Variants in TDRD7 observed in about 807,000 individuals in gnomAD.
TDRD7 encodes the protein tudor domain-containing protein 7.
In TDRD7, 47 loss-of-function variants were observed where a neutral mutation model predicts 109.8. The observed-to-expected ratio is 0.43, with a 90% CI of 0.34 to 0.55. The LOEUF (loss-of-function observed/expected upper bound fraction) is 0.55, where lower values mean the gene tolerates loss of function less well. Among genes scored for constraint, TDRD7 ranks in the 20% least tolerant of loss-of-function variants. TDRD7 has a pLI of 0.03. For missense variants in TDRD7, 1,164 were observed against 1,319.2 expected, an observed-to-expected ratio of 0.88 and a Z score of 1.82; for synonymous variants, 424 against 457.3, an observed-to-expected ratio of 0.93 and a Z score of 0.93.
At chr9:97,452,643 A>G in intron 6 of TDRD7, among the ~76,000 whole-genome samples, 1 of 152,242 alleles carries the variant, frequency 6.6e-6, no homozygotes, top group East Asian at 1.9e-4. Context: ...TACTTTGGGT[A>G]AATTCAGACT....
intron 6 of TDRD7, among the ~76,000 whole-genome samples, chr9:97,453,440 T>A (rs534656420): frequency 6.6e-6 from 1 of 151,998 alleles, no homozygotes; most frequent in East Asian, 1.9e-4. Context: ...AAAACCATAA[T>A]AAGTGTGTGA....
intron 15 of TDRD7, among the ~76,000 whole-genome samples, chr9:97,485,679 A>C (rs1283493050): frequency 2.0e-5 from 3 of 152,228 alleles, no homozygotes; most frequent in African/African-American, 7.2e-5. Context: ...AATGATGATA[A>C]CTATCATTTG....
intron 6 of TDRD7, among the ~76,000 whole-genome samples, chr9:97,454,828 G>C (rs1355930405): frequency 6.6e-6 from 1 of 151,712 alleles, no homozygotes. Context: ...AAATAACTAA[G>C]ATCAGAGAAG....
At chr9:97,492,286 C>G (rs571668355) in intron 16 of TDRD7, among the ~76,000 whole-genome samples, 2 of 152,322 alleles carry the variant, frequency 1.3e-5, no homozygotes, top group South Asian at 4.1e-4. Context: ...GAACTCTCCC[C>G]ATGCTAGGAG....
intron 7 of TDRD7, among the ~76,000 whole-genome samples, chr9:97,461,716 G>A (rs935847040): frequency 1.3e-5 from 2 of 152,218 alleles, no homozygotes; most frequent in African/African-American, 4.8e-5. Context: ...CTGAACCCCT[G>A]GAGGTACCAG....
chr9:97,450,806 AGAG>A (rs1054071000), intron 6 of TDRD7, among the ~76,000 whole-genome samples: 2 of 152,138 alleles, frequency 1.3e-5, no homozygotes, highest in Non-Finnish European at 2.9e-5. Context: ...GAAAATTTAG[AGAG>A]TTTGAGCTGG....
chr9:97,438,993 A>C (rs1170919162), intron 4 of TDRD7, among the ~76,000 whole-genome samples: 2 of 152,170 alleles, frequency 1.3e-5, no homozygotes, highest in Non-Finnish European at 2.9e-5. Context: ...GAATTCTGAC[A>C]TCCAAGTTTT....
At position 97,430,897 on chromosome 9, in the gene TDRD7, A is replaced by G. The variant is rs757515499; in HGVS notation, c.208-36A>G. 6 of 1,613,270 alleles carry G rather than the reference A, an allele frequency of 3.7e-6. No individual in the cohort carries two copies. The East Asian group carries it at 1.3e-4, about 36-fold the overall frequency. On this transcript the variant is annotated intron_variant, in intron 2 of 16. Coordinates refer to ENST00000355295, the MANE Select transcript of TDRD7 (RefSeq NM_014290.3). ...GCCTCTAGGCAACACGGAATCTGAG[A>G]AATGTTTCTCCTCTTACCCTGCCTC...
At chr9:97,456,913 T>C (rs1248398698) in intron 6 of TDRD7, among the ~76,000 whole-genome samples, 2 of 152,110 alleles carry the variant, frequency 1.3e-5, no homozygotes, top group Non-Finnish European at 2.9e-5. Flanking sequence ...TTTTGCAAAC[T>C]ACCCATCTGA....
In TDRD7 at chr9:97,460,309, G is replaced by A. The variant is rs761704668; in HGVS notation, c.987G>A (p.Pro329=). The A allele has an allele frequency of 8.6e-5, 139 of 1,614,098 alleles. No individual in the cohort carries two copies. The highest frequency in any genetic ancestry group is 1.1e-4 in the Non-Finnish European group (126 of 1,180,038). Residue 329 remains proline (P), a synonymous_variant, in exon 7 of 17, where the codon CCG becomes CCA. Coordinates refer to ENST00000355295, the MANE Select transcript of TDRD7 (RefSeq NM_014290.3). ...TACCTGGTCCCAAACAAACACCACC[G>A]TTGAAAGGGTGTCCAACAGTTATGG... ...SPLPGPKQTP[P]LKGCPTVMAG... is the part of the protein sequence containing the mutation.
At chr9:97,478,119 G>C (rs1829055581) in intron 12 of TDRD7, among the ~76,000 whole-genome samples, 1 of 152,040 alleles carries the variant, frequency 6.6e-6, no homozygotes, top group East Asian at 1.9e-4. Flanking sequence ...AAATTAGCTG[G>C]TTGTGGTGGT....
intron 12 of TDRD7, among the ~76,000 whole-genome samples, chr9:97,476,659 T>C (rs1489074378): frequency 6.6e-6 from 1 of 151,832 alleles, no homozygotes; most frequent in Admixed American, 6.6e-5. Context: ...GTTCTTAACC[T>C]AGATGCAAGG....
chr9:97,417,742 C>T (rs1000971197), intron 1 of TDRD7, among the ~76,000 whole-genome samples: 1 of 152,134 alleles, frequency 6.6e-6, no homozygotes, highest in East Asian at 1.9e-4. Context: ...CCCCCAAAAC[C>T]AAATCAAAAT....
At chr9:97,427,235 C>T (rs544940084) in intron 1 of TDRD7, among the ~76,000 whole-genome samples, 2 of 152,170 alleles carry the variant, frequency 1.3e-5, no homozygotes, top group South Asian at 2.1e-4. Flanking sequence ...GAATGTATCT[C>T]CTGAATTTGT....
chr9:97,456,373 C>T (rs1828610074), intron 6 of TDRD7, among the ~76,000 whole-genome samples: 1 of 152,128 alleles, frequency 6.6e-6, no homozygotes, highest in African/African-American at 2.4e-5. Flanking sequence ...CCAAGACAAT[C>T]CTAGCAAAAA....
chr9:97,480,902 A>C lies in TDRD7; in HGVS notation c.2376A>C (p.Arg792Ser). 6.2e-7 allele frequency: 1 copy of C among 1,614,090 alleles called. No individual in the cohort carries two copies. The highest frequency in any genetic ancestry group is 8.5e-7 in the Non-Finnish European group (1 of 1,179,984). ...MWTPDAVLWL[R>S]DSVLNCSDCS... ...CACCAGATGCAGTGCTGTGGTTAAGAGATTCTGTTTTGAATTGCTCGGACT... is the reference window on the plus strand; with the variant it reads ...CACCAGATGCAGTGCTGTGGTTAAGCGATTCTGTTTTGAATTGCTCGGACT... Residue 792 changes from arginine (R) to serine (S), a missense_variant, in exon 14 of 17, where the codon AGA becomes AGC. Around this residue, in one of 5 missense-constraint regions of TDRD7, gnomAD observed 233 missense variants for 218.0 expected, o/e 1.07. Coordinates refer to ENST00000355295, the MANE Select transcript of TDRD7 (RefSeq NM_014290.3).
intron 6 of TDRD7, among the ~76,000 whole-genome samples, chr9:97,455,565 G>T (rs1339902863): frequency 6.6e-6 from 1 of 152,158 alleles, no homozygotes; most frequent in Non-Finnish European, 1.5e-5. Context: ...CAGAACCAAA[G>T]ACAAAAACCA....
chr9:97,465,912 T>C (rs1470801637), intron 8 of TDRD7, among the ~76,000 whole-genome samples: 1 of 152,158 alleles, frequency 6.6e-6, no homozygotes, highest in African/African-American at 2.4e-5. Context: ...TCCTTCATGA[T>C]GGGAAGGACA....
chr9:97,423,529 G>T lies in TDRD7; in HGVS notation c.-6-4931G>T, dbSNP rs564065393. Among the ~76,000 whole-genome samples the T allele has an allele frequency of 4.0e-5, 6 of 151,202 alleles. No homozygotes were observed. In the South Asian group the frequency reaches 1.3e-3, roughly 32 times the overall value. Reference sequence around the variant, plus strand: ...TGATCTGTTTCATCATTTCAGAATTGATTTCTGCTCTCACCTTTATTTCCT... The same window carrying T: ...TGATCTGTTTCATCATTTCAGAATTTATTTCTGCTCTCACCTTTATTTCCT... On this transcript the variant is annotated intron_variant, in intron 1 of 16. Transcript: ENST00000355295.
Sources: allele counts gnomAD v4.1 joint callset (sites outside exome capture counted in the v4.1 genomes callset), GRCh38; gene constraint gnomAD v4.1.1; regional missense constraint gnomAD v4.1.1; transcripts MANE v1.5; gene names NCBI Gene and HGNC (gene_info 2026-07-23, HGNC 2026-07-21).